MED17: variants seen among roughly 807,000 people sequenced by gnomAD.
MED17 encodes mediator of RNA polymerase II transcription subunit 17.
Under a neutral mutation model 80.8 loss-of-function variants are expected in MED17, and 49 were observed. The ratio of observed to expected loss-of-function variants is 0.61; its 90% CI spans 0.48 to 0.77. The LOEUF is 0.77. MED17 is among the 30% of genes least tolerant of loss of function. The probability of loss-of-function intolerance (pLI) is 0.00; values close to 1 mark genes in which losing one functional copy is unlikely to be tolerated. For missense variants in MED17, 718 were observed against 787.0 expected (o/e 0.91, Z 1.05); for synonymous variants, 281 against 280.4 (o/e 1.00, Z -0.02).
chr11:93,798,049 G>A (rs1385448722), intron 8 of MED17, among the ~76,000 whole-genome samples: 1 of 152,122 alleles, frequency 6.6e-6, no homozygotes, highest in Non-Finnish European at 1.5e-5. Context: ...TTTCTTGAGG[G>A]TTTCTGTATT....
chr11:93,791,968 G>A (rs1009313665), intron 3 of MED17, among the ~76,000 whole-genome samples: 2 of 152,196 alleles, frequency 1.3e-5, no homozygotes, highest in African/African-American at 2.4e-5. Flanking sequence ...ACTAAAGTTT[G>A]ATGATGTTGA....
intron 8 of MED17, 96 bp from the exon 9 acceptor site, chr11:93,801,735 GTAGT>G (rs982447997): frequency 5.4e-5 from 62 of 1,157,112 alleles, no homozygotes; most frequent in South Asian, 1.2e-4. Flanking sequence ...GTTTAAAAAA[GTAGT>G]TAGTTTTAAA....
chr11:93,803,224 A>C (rs1943981493), intron 9 of MED17, among the ~76,000 whole-genome samples: 1 of 152,224 alleles, frequency 6.6e-6, no homozygotes, highest in Non-Finnish European at 1.5e-5. Flanking sequence ...CCTTAGGAGT[A>C]GGGGCAGAAA....
chr11:93,792,621 G>C (rs1943849548), intron 3 of MED17, among the ~76,000 whole-genome samples: 1 of 152,038 alleles, frequency 6.6e-6, no homozygotes, highest in South Asian at 2.1e-4. Context: ...CCAAACTCCT[G>C]ACCTACACAA....
chr11:93,803,756 TAGAACTA>T (rs1376393247), intron 9 of MED17, among the ~76,000 whole-genome samples: 1 of 152,114 alleles, frequency 6.6e-6, no homozygotes, highest in African/African-American at 2.4e-5. Context: ...TGTTTAGACT[TAGAACTA>T]AGACTAAAAC....
intron 1 of MED17, among the ~76,000 whole-genome samples, chr11:93,787,337 C>T (rs964765005): frequency 4.6e-5 from 7 of 151,772 alleles, no homozygotes; most frequent in East Asian, 1.9e-4. Flanking sequence ...GGCATGAATC[C>T]GGGAGGTGGA....
Position 93,784,410 on chromosome 11 carries a change from G to A in MED17, c.-104G>A. The A allele has an allele frequency of 7.0e-7, 1 of 1,430,008 alleles. No homozygotes were observed. The allele number at this position is 1,430,008 out of a possible 1,614,324, so 88.6% of individuals were successfully genotyped here. The stretch of plus-strand genomic sequence containing the variant: ...CCCGAGGGTCTTCTGAGGCACCGCG[G>A]CTGCGGGCTTCTGAGTTCCCGGCTC... On this transcript the variant is annotated 5_prime_UTR_variant, in exon 1 of 12. Coordinates refer to ENST00000251871, the MANE Select transcript of MED17 (RefSeq NM_004268.5).
At chr11:93,789,823 G>A (rs1174921227) in intron 2 of MED17, 1 of 151,278 alleles carries the variant, frequency 6.6e-6, no homozygotes, top group Non-Finnish European at 1.5e-5. Context: ...GCCAGGCTTG[G>A]TGTTGCACAT....
At chr11:93,785,267 G>A (rs1943757450) in intron 1 of MED17, among the ~76,000 whole-genome samples, 1 of 152,222 alleles carries the variant, frequency 6.6e-6, no homozygotes, top group African/African-American at 2.4e-5. Context: ...CGTTTGACTA[G>A]TGTTAAGACC....
chr11:93,802,217 C>G (rs543437575), intron 9 of MED17, among the ~76,000 whole-genome samples: 1 of 151,892 alleles, frequency 6.6e-6, no homozygotes, highest in Non-Finnish European at 1.5e-5. Flanking sequence ...ATTCTTTTGC[C>G]TCAACCTCCT....
At position 93,799,872 on chromosome 11, in the gene MED17, T is replaced by G. The variant is rs1463605421; in HGVS notation, c.1329-1963T>G. On this transcript the variant is annotated intron_variant, in intron 8 of 11. Coordinates refer to ENST00000251871, the MANE Select transcript of MED17 (RefSeq NM_004268.5). Reference sequence around the variant, plus strand: ...TTATGTGTATGTGTCAGAGTGTGTGTGTGTGTCTTTAAAGAAAAATCGGAG... The same window carrying G: ...TTATGTGTATGTGTCAGAGTGTGTGGGTGTGTCTTTAAAGAAAAATCGGAG... Among the ~76,000 whole-genome samples the G allele has an allele frequency of 3.3e-5, 5 of 152,330 alleles. No individual in the cohort carries two copies. In the East Asian group the frequency reaches 9.6e-4, roughly 29 times the overall value.
intron 1 of MED17, among the ~76,000 whole-genome samples, chr11:93,787,547 T>C (rs1048214073): frequency 8.5e-5 from 13 of 152,238 alleles, no homozygotes; most frequent in Non-Finnish European, 1.8e-4. Flanking sequence ...TTGTGTGAAC[T>C]CTATATAGTG....
In MED17 at chr11:93,809,785, C is replaced by T. The variant is rs1305936819; in HGVS notation, c.1653C>T (p.Phe551=). 1.2e-6 allele frequency: 2 copies of T among 1,614,052 alleles called. No homozygotes were observed. The highest frequency in any genetic ancestry group is 1.7e-6 in the Non-Finnish European group (2 of 1,180,040). The change falls in exon 11 of 12, where the codon TTC becomes TTT. Residue 551 remains phenylalanine (F), a synonymous_variant. Coordinates refer to ENST00000251871, the MANE Select transcript of MED17 (RefSeq NM_004268.5). ...TTATGGGCTGGCAAGTACTGAGCTT[C>T]AGTAATCATGTGGGACTTGGACCTA... ...AKVMGWQVLS[F]SNHVGLGPIE...
Position 93,787,947 on chromosome 11 carries a change from C to T in MED17, c.251-54C>T. The stretch of plus-strand genomic sequence containing the variant: ...TTTTAAACCTAAGTGAGCTGTCTGC[C>T]ATTCAATGTAACGAATACTTCTGTA... On this transcript the variant is annotated intron_variant, in intron 1 of 11. Coordinates refer to ENST00000251871, the MANE Select transcript of MED17 (RefSeq NM_004268.5). 4 of 1,431,254 alleles carry T rather than the reference C, an allele frequency of 2.8e-6. 1 individual carries two copies. In the South Asian group the frequency reaches 3.4e-5, roughly 12 times the overall value. The allele number at this position is 1,431,254 out of a possible 1,614,324, so 88.7% of individuals were successfully genotyped here.
intron 1 of MED17, among the ~76,000 whole-genome samples, chr11:93,785,455 C>A (rs984997165): frequency 1.3e-5 from 2 of 151,832 alleles, no homozygotes; most frequent in Non-Finnish European, 2.9e-5. Flanking sequence ...AAAAAAAAAT[C>A]AAAATTCTTA....
intron 9 of MED17, among the ~76,000 whole-genome samples, chr11:93,805,719 C>G (rs1477775707): frequency 6.6e-6 from 1 of 152,186 alleles, no homozygotes; most frequent in African/African-American, 2.4e-5. Flanking sequence ...GAAAAGAATT[C>G]TAAAATGTTG....
chr11:93,811,459 C>CGAGG, intron 11 of MED17: 1 of 221,972 alleles, frequency 4.5e-6, no homozygotes, highest in Non-Finnish European at 9.0e-6. Flanking sequence ...TTGCTTGAGC[C>CGAGG]CAGGAGTTTG....
In MED17 at chr11:93,794,981, C is replaced by G; in HGVS notation, c.933C>G (p.Leu311=). 1.9e-6 allele frequency: 3 copies of G among 1,614,086 alleles called. No individual in the cohort carries two copies. Among genetic ancestry groups the G allele is most frequent in the Non-Finnish European group, 2.5e-6 (3 of 1,179,972 alleles). The part of the protein sequence containing the change: ...VLLCKEIFAQ[L]SREAVQIKSQ... ...TATGTAAAGAAATTTTTGCACAGCT[C>G]TCTCGGGAAGCTGTTCAAATTAAAT... is the stretch of plus-strand genomic sequence containing the variant. The change falls in exon 6 of 12, where the codon CTC becomes CTG. Residue 311 remains leucine (L), a synonymous_variant. Transcript: ENST00000251871.
rs1441655868 is a variant in MED17 at position 93,794,011 on chromosome 11, C to T, written c.835C>T (p.Arg279Ter). 5.6e-6 allele frequency: 9 copies of T among 1,613,728 alleles called. No homozygotes were observed. Among genetic ancestry groups the T allele is most frequent in the African/African-American group, 4.0e-5 (3 of 74,862 alleles). ...CCTCGGCACAGTTAACCTCTTCAAA[C>T]GACCTTTGCCCAAATCCAAACCAGG... ...GDLGTVNLFKRPLPKSKPGSP... is the reference protein window; with the variant it reads ...GDLGTVNLFK Residue 279 changes from arginine to a stop codon, truncating the protein, a stop_gained, in exon 5 of 12, where the codon CGA (arginine) becomes TGA (stop). Transcript: ENST00000251871. LOFTEE classifies it high-confidence loss of function.
Sources: gnomAD v4.1 joint callset for allele counts (sites outside exome capture counted in the v4.1 genomes callset) on GRCh38, gnomAD v4.1.1 for gene constraint, MANE v1.5 for transcripts, NCBI Gene and HGNC (gene_info 2026-07-23, HGNC 2026-07-21) for gene names.